Variants in RANBP17 observed in about 807,000 individuals in gnomAD.
RANBP17 encodes ran-binding protein 17.
Under a neutral mutation model 141.2 loss-of-function variants are expected in RANBP17, and 158 were observed. The ratio of observed to expected loss-of-function variants is 1.12; its 90% CI spans 0.98 to 1.28. The LOEUF (loss-of-function observed/expected upper bound fraction) is 1.28, where lower values mean the gene tolerates loss of function less well. Ranked by LOEUF, RANBP17 falls within the 50% of genes most tolerant of loss-of-function variation. The pLI is 0.00. For synonymous variants in RANBP17, 430 were observed against 450.0 expected, an observed-to-expected ratio of 0.96 and a Z score of 0.56; for missense variants, 1,438 against 1,290.7, an observed-to-expected ratio of 1.11 and a Z score of -1.75.
intron 16 of RANBP17, 31 bp from the exon 17 acceptor site, chr5:171,183,136 A>G (rs1581808467): frequency 2.5e-6 from 3 of 1,182,418 alleles, no homozygotes; most frequent in East Asian, 4.7e-5. Context: ...TATTACAAAT[A>G]TATTTCCTTA....
intron 14 of RANBP17, among the ~76,000 whole-genome samples, chr5:171,043,260 G>T (rs1782366609): frequency 6.6e-6 from 1 of 152,062 alleles, no homozygotes; most frequent in African/African-American, 2.4e-5. Flanking sequence ...AACATACATA[G>T]GATAAAATAG....
intron 14 of RANBP17, among the ~76,000 whole-genome samples, chr5:170,988,264 G>A (rs895815290): frequency 2.0e-5 from 3 of 151,048 alleles, no homozygotes; most frequent in South Asian, 2.1e-4. Flanking sequence ...GATTGTTCTC[G>A]AGTAATTATA....
At chr5:171,000,248 AG>A (rs1561972762) in intron 14 of RANBP17, among the ~76,000 whole-genome samples, 1 of 152,110 alleles carries the variant, frequency 6.6e-6, no homozygotes, top group Non-Finnish European at 1.5e-5. Flanking sequence ...ATTCTTTTGG[AG>A]TAGAATTGCT....
intron 14 of RANBP17, among the ~76,000 whole-genome samples, chr5:171,017,374 C>T (rs541954125): frequency 3.9e-5 from 6 of 152,200 alleles, no homozygotes; most frequent in East Asian, 1.9e-4. Flanking sequence ...CCACCAACAG[C>T]GTAAAAGCAT....
intron 14 of RANBP17, among the ~76,000 whole-genome samples, chr5:171,051,302 C>G (rs914125936): frequency 2.0e-5 from 3 of 152,042 alleles, no homozygotes; most frequent in Non-Finnish European, 4.4e-5. Flanking sequence ...ATTCAGTGAC[C>G]TTTAGTGCAT....
chr5:171,052,355 T>G (rs374666362), intron 14 of RANBP17, among the ~76,000 whole-genome samples: 1 of 152,160 alleles, frequency 6.6e-6, no homozygotes, highest in Non-Finnish European at 1.5e-5. Flanking sequence ...CATCCCTATG[T>G]TTTTTTCTAA....
intron 14 of RANBP17, among the ~76,000 whole-genome samples, chr5:170,985,094 G>A (rs1778054897): frequency 1.3e-5 from 2 of 149,158 alleles, no homozygotes; most frequent in Non-Finnish European, 3.0e-5. Flanking sequence ...CACACACGCA[G>A]AACCACACAT....
At chr5:170,885,688 G>T (rs1418686301) in intron 3 of RANBP17, among the ~76,000 whole-genome samples, 1 of 152,084 alleles carries the variant, frequency 6.6e-6, no homozygotes, top group Non-Finnish European at 1.5e-5. Flanking sequence ...GTACCTTGTG[G>T]TGTATTTGTC....
intron 14 of RANBP17, among the ~76,000 whole-genome samples, chr5:170,987,147 A>G (rs1166664284): frequency 1.3e-5 from 2 of 151,818 alleles, no homozygotes; most frequent in Non-Finnish European, 3.0e-5. Flanking sequence ...AAACATTGAA[A>G]CATTTTAAAT....
At chr5:171,283,337 G>C (rs1561828399) in intron 25 of RANBP17, among the ~76,000 whole-genome samples, 1 of 152,176 alleles carries the variant, frequency 6.6e-6, no homozygotes, top group Non-Finnish European at 1.5e-5. Flanking sequence ...ACAGAGCCTT[G>C]CCCAAATTAG....
intron 8 of RANBP17, among the ~76,000 whole-genome samples, chr5:170,915,932 G>A (rs999108834): frequency 5.3e-5 from 8 of 152,046 alleles, no homozygotes; most frequent in Non-Finnish European, 1.2e-4. Context: ...GGCTGATTTT[G>A]TTAATGAAAA....
chr5:171,002,325 G>C (rs1052295931), intron 14 of RANBP17, among the ~76,000 whole-genome samples: 1 of 151,086 alleles, frequency 6.6e-6, no homozygotes, highest in Admixed American at 6.6e-5. Context: ...AAAACTGGCC[G>C]TGAGGGACAG....
intron 14 of RANBP17, among the ~76,000 whole-genome samples, chr5:171,141,323 G>A (rs1234055675): frequency 1.3e-5 from 2 of 151,774 alleles, no homozygotes; most frequent in Admixed American, 6.6e-5. Flanking sequence ...TAGGCTGGGC[G>A]CAGTGCCTCA....
chr5:171,233,517 TA>T (rs1764335326), intron 22 of RANBP17, among the ~76,000 whole-genome samples: 2 of 151,694 alleles, frequency 1.3e-5, no homozygotes, highest in Non-Finnish European at 2.9e-5. Flanking sequence ...AGTGGATAAA[TA>T]AACAACAGTA....
At chr5:171,216,269 T>C (rs1763211760) in intron 21 of RANBP17, among the ~76,000 whole-genome samples, 1 of 152,172 alleles carries the variant, frequency 6.6e-6, no homozygotes, top group Non-Finnish European at 1.5e-5. Context: ...GTATATCTGT[T>C]TTGGTACCAG....
At chr5:170,940,686 A>G (rs80225585) in intron 12 of RANBP17, among the ~76,000 whole-genome samples, 5,717 of 152,272 alleles carry the variant, frequency 0.038, 154 homozygotes, top group East Asian at 0.12. Context: ...TTGTTGGCAT[A>G]TCAAATAAGT....
At chr5:171,235,691 T>A (rs1764499478) in intron 22 of RANBP17, among the ~76,000 whole-genome samples, 1 of 152,174 alleles carries the variant, frequency 6.6e-6, no homozygotes, top group Non-Finnish European at 1.5e-5. Flanking sequence ...AGCTTCAGCC[T>A]CCTGGGCTCA....
chr5:171,137,509 G>C (rs763254289), intron 14 of RANBP17, among the ~76,000 whole-genome samples: 5 of 151,496 alleles, frequency 3.3e-5, no homozygotes, highest in Admixed American at 6.6e-5. Flanking sequence ...AGTGGTCCCT[G>C]TATGAAGCCA....
chr5:171,247,083 G>A (rs1239738229), intron 24 of RANBP17, among the ~76,000 whole-genome samples: 1 of 152,164 alleles, frequency 6.6e-6, no homozygotes, highest in Non-Finnish European at 1.5e-5. Flanking sequence ...GAGGTAAGCT[G>A]TGGCTCAGAG....
Sources: allele counts gnomAD v4.1 joint callset (sites outside exome capture counted in the v4.1 genomes callset), GRCh38; gene constraint gnomAD v4.1.1; transcripts MANE v1.5; gene names NCBI Gene and HGNC (gene_info 2026-07-23, HGNC 2026-07-21).